CDH12: variants seen among roughly 807,000 people sequenced by gnomAD.
CDH12 encodes the protein cadherin 12.
In CDH12, 41 loss-of-function variants were observed where a neutral mutation model predicts 74.1. The observed-to-expected ratio is 0.55, with a 90% confidence interval of 0.43 to 0.72. The LOEUF is 0.72. CDH12 is among the 30% of genes least tolerant of loss of function. The probability of loss-of-function intolerance (pLI) is 0.00; values close to 1 mark genes in which losing one functional copy is unlikely to be tolerated. For synonymous variants in CDH12, 399 were observed against 355.0 expected (o/e 1.12, Z -1.39); for missense variants, 945 against 977.2 (o/e 0.97, Z 0.44).
chr5:21,769,349 A>G (rs1745198533), intron 11 of CDH12, among the ~76,000 whole-genome samples: 2 of 152,132 alleles, frequency 1.3e-5, no homozygotes, highest in African/African-American at 4.8e-5. Flanking sequence ...GAACCTGTAG[A>G]TGGAAAATGC....
rs182620183 is a variant in CDH12 at position 22,689,578 on chromosome 5, G to T, written c.-523+163480C>A. 3.1e-3 allele frequency among the ~76,000 whole-genome samples: 466 copies of T among 151,420 alleles called. 4 individuals carry two copies. The highest frequency in any genetic ancestry group is 0.011 in the African/African-American group (447 of 41,236). On this transcript the variant is annotated intron_variant, in intron 1 of 14. Transcript: ENST00000382254. Reference sequence around the variant, plus strand: ...TGACCCATATTTTTTTGTTTCAAAAGTATTTATTCCTATATATTGCAAGAA... The same window carrying T: ...TGACCCATATTTTTTTGTTTCAAAATTATTTATTCCTATATATTGCAAGAA...
At chr5:22,850,149 G>A (rs1267095622) in intron 1 of CDH12, among the ~76,000 whole-genome samples, 3 of 152,018 alleles carry the variant, frequency 2.0e-5, no homozygotes, top group African/African-American at 7.2e-5. Flanking sequence ...CACTTAATAT[G>A]TTGTAAAAAA....
At position 22,261,125 on chromosome 5, in the gene CDH12, G is replaced by C. The variant is rs1430776541; in HGVS notation, c.-332-48482C>G. ...AAACAAGTACTTTATTGTGCTAAAA[G>C]CTATGGGACTTCAATGGAAATTTGC... is the stretch of plus-strand genomic sequence containing the variant. On this transcript the variant is annotated intron_variant, in intron 3 of 14. Coordinates refer to ENST00000382254, the MANE Select transcript of CDH12 (RefSeq NM_004061.5). 8.6e-5 allele frequency among the ~76,000 whole-genome samples: 13 copies of C among 150,820 alleles called. No individual in the cohort carries two copies. The Admixed American group carries it at 8.6e-4, about 10-fold the overall frequency.
chr5:21,978,701 C>G (rs1354256317), intron 5 of CDH12, among the ~76,000 whole-genome samples: 3 of 151,912 alleles, frequency 2.0e-5, no homozygotes, highest in Non-Finnish European at 4.4e-5. Context: ...TTGAATGATC[C>G]AATGGGCACT....
chr5:21,964,488 C>A (rs1474287957), intron 6 of CDH12, among the ~76,000 whole-genome samples: 1 of 151,944 alleles, frequency 6.6e-6, no homozygotes, highest in Non-Finnish European at 1.5e-5. Context: ...TCAGGAAAAA[C>A]AAATACATGG....
At chr5:22,109,521 C>T (rs780612797) in intron 4 of CDH12, among the ~76,000 whole-genome samples, 3 of 152,136 alleles carry the variant, frequency 2.0e-5, no homozygotes, top group Non-Finnish European at 4.4e-5. Flanking sequence ...AAGTACATTG[C>T]CTCTGACCTG....
At chr5:21,917,921 C>T (rs1754173589) in intron 6 of CDH12, among the ~76,000 whole-genome samples, 1 of 152,130 alleles carries the variant, frequency 6.6e-6, no homozygotes, top group African/African-American at 2.4e-5. Context: ...TGCATCTTTG[C>T]TTTCTCTTTT....
chr5:22,300,014 T>C (rs1302930576), intron 3 of CDH12, among the ~76,000 whole-genome samples: 1 of 152,200 alleles, frequency 6.6e-6, no homozygotes, highest in Non-Finnish European at 1.5e-5. Flanking sequence ...TGAGAGGTTA[T>C]AATTTCACAT....
At chr5:22,773,284 C>T (rs534725140) in intron 1 of CDH12, among the ~76,000 whole-genome samples, 34 of 151,968 alleles carry the variant, frequency 2.2e-4, no homozygotes, top group South Asian at 1.7e-3. Flanking sequence ...CAAAACAGCA[C>T]GGTACTGGGA....
chr5:22,042,891 A>AAAAAG (rs1739674250), intron 5 of CDH12, among the ~76,000 whole-genome samples: 1 of 119,820 alleles, frequency 8.3e-6, no homozygotes, highest in Admixed American at 8.3e-5. Flanking sequence ...TTCTATCTCA[A>AAAAAG]AAAAAAAAAA....
intron 5 of CDH12, among the ~76,000 whole-genome samples, chr5:21,987,040 G>A (rs1757547434): frequency 6.6e-6 from 1 of 151,994 alleles, no homozygotes; most frequent in African/African-American, 2.4e-5. Flanking sequence ...TAAAGCAGCT[G>A]AACCCAAATC....
chr5:22,240,493 AT>A (rs1323861894), intron 3 of CDH12, among the ~76,000 whole-genome samples: 1 of 152,196 alleles, frequency 6.6e-6, no homozygotes, highest in East Asian at 1.9e-4. Flanking sequence ...AATTTGAATC[AT>A]TTTTGGGAAG....
chr5:22,415,063 C>T (rs1743324714), intron 2 of CDH12, among the ~76,000 whole-genome samples: 1 of 151,962 alleles, frequency 6.6e-6, no homozygotes, highest in South Asian at 2.1e-4. Flanking sequence ...ATCTCTTAAA[C>T]TTTTAGACTT....
At chr5:22,219,369 G>C (rs1297070915) in intron 3 of CDH12, among the ~76,000 whole-genome samples, 2 of 151,486 alleles carry the variant, frequency 1.3e-5, no homozygotes, top group Admixed American at 1.3e-4. Context: ...ATTTCATGGT[G>C]ACTCTATTAA....
At position 22,493,120 on chromosome 5, in the gene CDH12, T is replaced by A. The variant is rs571390274; in HGVS notation, c.-428+12150A>T. ...CATTGTAAATTCTTTTCTCACATGA[T>A]CTCATCGTGGATTCCTCTCAGTTAC... On this transcript the variant is annotated intron_variant, in intron 2 of 14. Transcript: ENST00000382254. Among the ~76,000 whole-genome samples the A allele has an allele frequency of 4.9e-4, 74 of 152,322 alleles. 2 individuals carry two copies. The South Asian group carries it at 0.015, about 30-fold the overall frequency.
In CDH12 at chr5:22,394,514, A is replaced by ACTAAAGCAG. The variant is rs201691973; in HGVS notation, c.-333+10734_-333+10742dup. 8.4e-3 allele frequency among the ~76,000 whole-genome samples: 1,285 copies of ACTAAAGCAG among 152,266 alleles called. 17 individuals carry two copies. The highest frequency in any genetic ancestry group is 0.03 in the African/African-American group (1,235 of 41,550). On this transcript the variant is annotated intron_variant, in intron 3 of 14. Transcript: ENST00000382254. ...GGCTGGTGGAGCAATGGGTGTAGAA[A>ACTAAAGCAG]CTAAAGCAGATGGAATCTCATGCCC...
chr5:22,563,924 G>T (rs2126754646), intron 1 of CDH12, among the ~76,000 whole-genome samples: 1 of 152,196 alleles, frequency 6.6e-6, no homozygotes, highest in Admixed American at 6.5e-5. Context: ...CTACCCCCAT[G>T]ATTCAAGCAT....
chr5:21,907,038 G>C (rs143437634), intron 6 of CDH12, among the ~76,000 whole-genome samples: 1 of 152,212 alleles, frequency 6.6e-6, no homozygotes, highest in African/African-American at 2.4e-5. Context: ...CGCTAAACCG[G>C]CTGTTACAAA....
At chr5:22,422,620 AT>A (rs560720031) in intron 2 of CDH12, among the ~76,000 whole-genome samples, 1 of 152,120 alleles carries the variant, frequency 6.6e-6, no homozygotes, top group Non-Finnish European at 1.5e-5. Context: ...TAATAAAAAG[AT>A]TTTTTTATAT....
Sources: allele counts gnomAD v4.1 joint callset (sites outside exome capture counted in the v4.1 genomes callset), GRCh38; gene constraint gnomAD v4.1.1; transcripts MANE v1.5; gene names NCBI Gene and HGNC (gene_info 2026-07-23, HGNC 2026-07-21).